GMDS: variants seen among roughly 807,000 people sequenced by gnomAD.
GMDS encodes the protein GDP-mannose 4,6-dehydratase.
A neutral mutation model predicts 49.9 loss-of-function variants in GMDS; 20 were observed. That is an observed-to-expected ratio of 0.40 (90% CI 0.28 to 0.58). The LOEUF (loss-of-function observed/expected upper bound fraction) is 0.58, where lower values mean the gene tolerates loss of function less well. Ranked by LOEUF, GMDS falls within the 20% of genes least tolerant of loss-of-function variation. GMDS has a pLI of 0.42. For synonymous variants in GMDS, 177 were observed against 178.6 expected, an observed-to-expected ratio of 0.99 and a Z score of 0.07; for missense variants, 362 against 481.4, an observed-to-expected ratio of 0.75 and a Z score of 2.32.
intron 7 of GMDS, among the ~76,000 whole-genome samples, chr6:1,832,555 T>C (rs1756710479): frequency 6.6e-6 from 1 of 152,090 alleles, no homozygotes; most frequent in African/African-American, 2.4e-5. Flanking sequence ...TTTGTGCCCA[T>C]TACACAAGCA....
At chr6:1,914,832 C>T (rs1039761776) in intron 7 of GMDS, among the ~76,000 whole-genome samples, 1 of 152,260 alleles carries the variant, frequency 6.6e-6, no homozygotes, top group Admixed American at 6.5e-5. Context: ...CCCTGAAGCA[C>T]AGCAGTGTGG....
chr6:2,119,095 C>A (rs3800154), intron 2 of GMDS, among the ~76,000 whole-genome samples: 26,583 of 151,826 alleles, frequency 0.18, 2,714 homozygotes, highest in Middle Eastern at 0.23. Flanking sequence ...AGTCTATATA[C>A]TAAAAAGAGT....
chr6:1,803,963 T>C (rs1770058817), intron 7 of GMDS, among the ~76,000 whole-genome samples: 1 of 152,190 alleles, frequency 6.6e-6, no homozygotes, highest in South Asian at 2.1e-4. Flanking sequence ...ACAGGTATGA[T>C]TTAGTGTCTC....
At chr6:1,952,507 A>G (rs1285776832) in intron 6 of GMDS, among the ~76,000 whole-genome samples, 1 of 152,104 alleles carries the variant, frequency 6.6e-6, no homozygotes, top group East Asian at 1.9e-4. Context: ...CAGCTGGGAG[A>G]TGATTAAAAA....
At chr6:2,092,847 T>C (rs1021630864) in intron 4 of GMDS, among the ~76,000 whole-genome samples, 1 of 152,068 alleles carries the variant, frequency 6.6e-6, no homozygotes, top group African/African-American at 2.4e-5. Context: ...ATTTTAGATA[T>C]CCAAAAAACA....
intron 8 of GMDS, among the ~76,000 whole-genome samples, chr6:1,732,662 T>C (rs1237463588): frequency 6.6e-6 from 1 of 152,146 alleles, no homozygotes; most frequent in Non-Finnish European, 1.5e-5. Flanking sequence ...TAAGACAGTG[T>C]ACCACAGCAG....
chr6:2,178,687 G>T (rs929240392), intron 1 of GMDS, among the ~76,000 whole-genome samples: 1 of 152,116 alleles, frequency 6.6e-6, no homozygotes, highest in Non-Finnish European at 1.5e-5. Flanking sequence ...ATGTACCTTT[G>T]TAACACACCT....
At chr6:1,624,447 G>A in intron 10 of GMDS, 25 bp downstream of exon 10, 1 of 1,601,550 alleles carries the variant, frequency 6.2e-7, no homozygotes, top group Non-Finnish European at 8.5e-7. Context: ...CGCAGCGGGC[G>A]GCGTGCGCCC....
intron 9 of GMDS, among the ~76,000 whole-genome samples, chr6:1,705,121 C>T (rs954468759): frequency 2.0e-5 from 3 of 152,224 alleles, no homozygotes; most frequent in African/African-American, 7.2e-5. Flanking sequence ...GTGTTGATAG[C>T]TGACCACATG....
At chr6:1,898,008 C>T (rs9392343) in intron 7 of GMDS, among the ~76,000 whole-genome samples, 1,471 of 14,906 alleles carry the variant, frequency 0.099, 92 homozygotes, top group East Asian at 0.14. Context: ...TGGACACCTA[C>T]CCTGGCCTCC....
intron 9 of GMDS, among the ~76,000 whole-genome samples, chr6:1,685,302 GA>G (rs1457213050): frequency 2.0e-5 from 3 of 152,120 alleles, no homozygotes; most frequent in African/African-American, 7.2e-5. Context: ...TTGGGAGGCT[GA>G]GGCCGGAGCC....
At chr6:2,211,084 A>G (rs545325859) in intron 1 of GMDS, among the ~76,000 whole-genome samples, 7 of 152,306 alleles carry the variant, frequency 4.6e-5, no homozygotes, top group East Asian at 1.9e-4. Context: ...TACAGCCTGC[A>G]TAACTGTGAG....
At chr6:2,058,338 C>CAAA (rs11390421) in intron 4 of GMDS, among the ~76,000 whole-genome samples, 30 of 90,288 alleles carry the variant, frequency 3.3e-4, no homozygotes, top group African/African-American at 9.5e-4. Flanking sequence ...GAGTAAGACT[C>CAAA]AAAAAAAAAA....
chr6:1,688,186 A>T (rs981811893), intron 9 of GMDS, among the ~76,000 whole-genome samples: 3 of 152,108 alleles, frequency 2.0e-5, no homozygotes, highest in African/African-American at 7.2e-5. Flanking sequence ...GTGGGGTGTG[A>T]GAGAGGGAGG....
intron 7 of GMDS, among the ~76,000 whole-genome samples, chr6:1,897,392 A>G (rs1755043937): frequency 6.6e-6 from 1 of 152,218 alleles, no homozygotes. Flanking sequence ...GCATTTCAAC[A>G]TCTGAATTTT....
intron 7 of GMDS, among the ~76,000 whole-genome samples, chr6:1,784,013 C>T (rs186511953): frequency 4.5e-4 from 69 of 152,238 alleles, no homozygotes; most frequent in Non-Finnish European, 9.6e-4. Flanking sequence ...CATGTCTCAA[C>T]TTCACTGAAG....
At chr6:1,810,492 A>T (rs1770371559) in intron 7 of GMDS, among the ~76,000 whole-genome samples, 1 of 152,028 alleles carries the variant, frequency 6.6e-6, no homozygotes, top group Admixed American at 6.5e-5. Context: ...TGTGTTGGCC[A>T]GGCTGGTCTC....
chr6:2,204,229 T>C (rs1279610115), intron 1 of GMDS, among the ~76,000 whole-genome samples: 2 of 152,028 alleles, frequency 1.3e-5, no homozygotes, highest in African/African-American at 4.8e-5. Context: ...TTTCCACAGG[T>C]AGAGTTAATT....
At chr6:2,142,373 A>G (rs757405216) in intron 1 of GMDS, among the ~76,000 whole-genome samples, 1 of 152,170 alleles carries the variant, frequency 6.6e-6, no homozygotes, top group East Asian at 1.9e-4. Context: ...ATTAGGTCAT[A>G]CTAAAGTAGG....
Sources: allele counts gnomAD v4.1 joint callset (sites outside exome capture counted in the v4.1 genomes callset), GRCh38; gene constraint gnomAD v4.1.1; transcripts MANE v1.5; gene names NCBI Gene and HGNC (gene_info 2026-07-23, HGNC 2026-07-21).